The following SYF2 variants were observed in gnomAD, a reference collection of about 807,000 sequenced individuals.
The protein encoded by SYF2 is pre-mRNA-splicing factor SYF2.
In SYF2, 21 loss-of-function variants were observed where a neutral mutation model predicts 32.7. The observed-to-expected ratio is 0.64, with a 90% CI of 0.45 to 0.92. The LOEUF (loss-of-function observed/expected upper bound fraction) is 0.92, where lower values mean the gene tolerates loss of function less well. Among genes scored for constraint, SYF2 ranks in the 40% least tolerant of loss-of-function variants. The pLI, the probability that SYF2 is intolerant of heterozygous loss-of-function variation, is 0.00. For missense variants in SYF2, 278 were observed against 296.5 expected (o/e 0.94, Z 0.46); for synonymous variants, 114 against 103.9 (o/e 1.10, Z -0.59).
chr1:25,226,079 C>T (rs867212689), intron 5 of SYF2, among the ~76,000 whole-genome samples: 2 of 151,680 alleles, frequency 1.3e-5, no homozygotes, highest in African/African-American at 2.4e-5. Flanking sequence ...ACCCAGGAGG[C>T]GGAGGCTGCA....
chr1:25,230,772 T>C (rs1200163799), intron 2 of SYF2: 2 of 151,910 alleles, frequency 1.3e-5, no homozygotes, highest in African/African-American at 4.8e-5. Flanking sequence ...AGGATGTGGA[T>C]TGGGTACTGT....
At chr1:25,229,301 G>A (rs982463742) in intron 2 of SYF2, among the ~76,000 whole-genome samples, 178 bp from the exon 3 acceptor site, 2 of 152,148 alleles carry the variant, frequency 1.3e-5, no homozygotes, top group African/African-American at 4.8e-5. Flanking sequence ...TAGGGTCTAC[G>A]TTTTTATGCA....
At chr1:25,224,074 GT>G (rs1164388004) in intron 6 of SYF2, among the ~76,000 whole-genome samples, 1 of 151,920 alleles carries the variant, frequency 6.6e-6, no homozygotes, top group Non-Finnish European at 1.5e-5. Context: ...CACGCCTGTG[GT>G]CCCATTTACT....
At chr1:25,228,037 C>A (rs1269227299) in intron 4 of SYF2, 81 bp downstream of exon 4, 1 of 1,140,400 alleles carries the variant, frequency 8.8e-7, no homozygotes, top group South Asian at 1.3e-5. Context: ...GCACAAGAGG[C>A]ACATCCTTTC....
chr1:25,231,917 T>C lies in SYF2; in HGVS notation c.132+187A>G, dbSNP rs1041519685. 4.5e-5 allele frequency: 31 copies of C among 685,882 alleles called. 2 individuals carry two copies. Among genetic ancestry groups the C allele is most frequent in the South Asian group, 9.5e-5 (6 of 63,080 alleles). 42.5% of individuals were successfully genotyped at this position (685,882 alleles called of 1,614,324 possible). On this transcript the variant is annotated intron_variant, in intron 2 of 6. Transcript: ENST00000236273. ...GAGGGGCTGGAGTGAACAGTTATAT[T>C]TTCAAATGTTCTCAGAATGATCCCA...
At position 25,228,211 on chromosome 1, in the gene SYF2, A is replaced by G. The variant is rs752745611; in HGVS notation, c.283T>C (p.Tyr95His). 74 of 1,613,194 alleles carry G rather than the reference A, an allele frequency of 4.6e-5. No homozygotes were observed. Among genetic ancestry groups the G allele is most frequent in the Admixed American group, 2.8e-4 (17 of 59,984 alleles). Residue 95 changes from tyrosine (Y) to histidine (H), a missense_variant, in exon 4 of 7, where the codon TAT becomes CAT. Physicochemically the swap from Tyr to His is moderately conservative, Grantham distance 83. Transcript: ENST00000236273. Reference protein sequence around the residue: ...KKECAARGEDYEKVKLLEISA... With the variant: ...KKECAARGEDHEKVKLLEISA... ...ATCTCCAGCAACTTCACTTTCTCATAGTCTTCTCCTCTTGCCGCACATTCC... is the reference window on the plus strand; with the variant it reads ...ATCTCCAGCAACTTCACTTTCTCATGGTCTTCTCCTCTTGCCGCACATTCC...
Position 25,232,069 on chromosome 1 carries a change from A to G in SYF2, c.132+35T>C, listed in dbSNP as rs9328945. The G allele has an allele frequency of 0.012, 19,518 of 1,600,046 alleles. 1,956 individuals carry two copies. In the African/African-American group the frequency reaches 0.22, roughly 18 times the overall value. The stretch of plus-strand genomic sequence containing the variant: ...TACAAAAGCGCACAGGCTTGGCCAG[A>G]TGACGGATCTAAGCCGGCCTCCAAG... On this transcript the variant is annotated intron_variant, in intron 2 of 6. Transcript: ENST00000236273.
rs1473838289 is a variant in SYF2, at chr1:25,227,435, GACTT to G, written c.467+3_467+6del. ...TCCACATCACCTCAGGTTGAAAAAG[GACTT>G]ACTGTTTTTCTCTCAGTCTCTCATA... On this transcript the variant is annotated splice_donor_5th_base_variant and intron_variant, in intron 5 of 6. Coordinates refer to ENST00000236273, the MANE Select transcript of SYF2 (RefSeq NM_015484.5). 5.6e-6 allele frequency: 9 copies of G among 1,611,034 alleles called. No homozygotes were observed. Among genetic ancestry groups the G allele is most frequent in the Admixed American group, 5.0e-5 (3 of 59,494 alleles).
rs1638432180 is a variant in SYF2 at position 25,222,698 on chromosome 1, G to C, written c.*568C>G. 6.6e-6 allele frequency: 1 copy of C among 152,200 alleles called. No homozygotes were observed. Among genetic ancestry groups the C allele is most frequent in the Admixed American group, 6.5e-5 (1 of 15,272 alleles). The allele number at this position is 152,200 out of a possible 1,614,324, so 9.4% of individuals were successfully genotyped here. On this transcript the variant is annotated 3_prime_UTR_variant, in exon 7 of 7. Transcript: ENST00000236273. ...AAAATGTTAGAAATTCTAATCCCAA[G>C]CATTTATTGCTTTTTAAAAAGGGAA...
chr1:25,223,447 A>T lies in SYF2; in HGVS notation c.567-16T>A. The T allele has an allele frequency of 6.3e-7, 1 of 1,591,858 alleles. No homozygotes were observed. Among genetic ancestry groups the T allele is most frequent in the East Asian group, 2.2e-5 (1 of 44,698 alleles). On this transcript the variant is annotated splice_polypyrimidine_tract_variant and intron_variant, in intron 6 of 6. Transcript: ENST00000236273. ...TTTTTCAATCCTGGGGAAAGAAGAA[A>T]ATTTACAAAATTCAAAATTGCCTTC... is the stretch of plus-strand genomic sequence containing the variant.
At position 25,228,159 on chromosome 1, in the gene SYF2, T is replaced by A. The variant is rs774630879; in HGVS notation, c.335A>T (p.Glu112Val). 2 of 1,613,942 alleles carry A rather than the reference T, an allele frequency of 1.2e-6. No homozygotes were observed. Among genetic ancestry groups the A allele is most frequent in the South Asian group, 2.2e-5 (2 of 91,072 alleles). Residue 112 changes from glutamate (E) to valine (V), a missense_variant, in exon 4 of 7, where the codon GAG becomes GTG. Transcript: ENST00000236273. ...EISAEDAERW[E>V]RKKKRKNPDL... ...AGGGTTTTTCCTCTTCTTTTTCCTC[T>A]CCCATCTTTCTGCATCTTCTGCACT...
chr1:25,232,486 C>A lies in SYF2; in HGVS notation c.-19G>T. On this transcript the variant is annotated 5_prime_UTR_variant, in exon 1 of 7. Transcript: ENST00000236273. Reference sequence around the variant, plus strand: ...CCGCCATCACAACCTTTCTCTCTTCCCACTTCCGGCAACAAGATAGAGCAC... The same window carrying A: ...CCGCCATCACAACCTTTCTCTCTTCACACTTCCGGCAACAAGATAGAGCAC... The A allele has an allele frequency of 1.2e-6, 2 of 1,614,216 alleles. No individual in the cohort carries two copies. Among genetic ancestry groups the A allele is most frequent in the Non-Finnish European group, 1.7e-6 (2 of 1,180,038 alleles).
chr1:25,231,956 G>A (rs1364259527), intron 2 of SYF2, 148 bp downstream of exon 2: 2 of 802,960 alleles, frequency 2.5e-6, no homozygotes, highest in Non-Finnish European at 4.3e-6. Flanking sequence ...TGCTGCCAGG[G>A]TTGAGTACCA....
rs1638572454 is a variant in SYF2 at position 25,228,984 on chromosome 1, G to C, written c.258+14C>G. 1.9e-6 allele frequency: 3 copies of C among 1,610,160 alleles called. No homozygotes were observed. Among genetic ancestry groups the C allele is most frequent in the Non-Finnish European group, 1.7e-6 (2 of 1,178,960 alleles). On this transcript the variant is annotated intron_variant, in intron 3 of 6. Transcript: ENST00000236273. Reference sequence around the variant, plus strand: ...ATTGACTAAATCACTTATGAAGATAGAATAGTTCCTAACCTTTTTCTTTTC... The same window carrying C: ...ATTGACTAAATCACTTATGAAGATACAATAGTTCCTAACCTTTTTCTTTTC...
At chr1:25,232,250 A>C (rs1638647896) in intron 1 of SYF2, 39 bp from the exon 2 acceptor site, 1 of 1,590,998 alleles carries the variant, frequency 6.3e-7, no homozygotes, top group East Asian at 2.3e-5. Context: ...GAGCCGGCTC[A>C]GCTTCTCCCA....
chr1:25,227,385 A>G, intron 5 of SYF2, 57 bp downstream of exon 5: 4 of 1,311,702 alleles, frequency 3.0e-6, no homozygotes, highest in Non-Finnish European at 2.2e-6. Flanking sequence ...ATGTACATGT[A>G]TACACACACA....
intron 2 of SYF2, chr1:25,231,156 T>G (rs1638621983): frequency 6.6e-6 from 1 of 152,238 alleles, no homozygotes. Flanking sequence ...GTGAGACTAA[T>G]GCTGTATTTG....
Position 25,227,463 on chromosome 1 carries a change from T to C in SYF2, c.446A>G (p.Tyr149Cys), listed in dbSNP as rs1452945597. Residue 149 changes from tyrosine to cysteine, a missense_variant, in exon 5 of 7, where the codon TAT becomes TGT. Tyr to Cys is a radical substitution (Grantham distance 194). Transcript: ENST00000236273. Reference protein sequence around the residue: ...TKQIKPDMETYERLREKHGEE... With the variant: ...TKQIKPDMETCERLREKHGEE... ...TTACTGTTTTTCTCTCAGTCTCTCATATGTTTCCATGTCAGGTTTGATCTG... is the reference window on the plus strand; with the variant it reads ...TTACTGTTTTTCTCTCAGTCTCTCACATGTTTCCATGTCAGGTTTGATCTG... 7 of 1,613,668 alleles carry C rather than the reference T, an allele frequency of 4.3e-6. No homozygotes were observed. In the African/African-American group the frequency reaches 5.3e-5, roughly 12 times the overall value.
chr1:25,227,507 C>T lies in SYF2; in HGVS notation c.402G>A (p.Gln134=). The T allele has an allele frequency of 1.2e-6, 2 of 1,613,690 alleles. No homozygotes were observed. The highest frequency in any genetic ancestry group is 1.3e-5 in the African/African-American group (1 of 75,006). ...TGATCTGCTTGGTCAACCGATGATA[C>T]TGGCGTAACTGGGCAGCAGCATAAT... ...FSDYAAAQLR[Q]YHRLTKQIKP... is the part of the protein sequence containing the mutation. The change falls in exon 5 of 7, where the codon CAG becomes CAA. Residue 134 remains glutamine (Q), a synonymous_variant. Coordinates refer to ENST00000236273, the MANE Select transcript of SYF2 (RefSeq NM_015484.5).
Sources: allele counts gnomAD v4.1 joint callset (sites outside exome capture counted in the v4.1 genomes callset), GRCh38; gene constraint gnomAD v4.1.1; transcripts MANE v1.5; gene names NCBI Gene and HGNC (gene_info 2026-07-23, HGNC 2026-07-21).